The following LTBP1 variants were observed in gnomAD, a reference collection of about 807,000 sequenced individuals.
The protein encoded by LTBP1 is latent-transforming growth factor beta-binding protein 1.
LTBP1 carries 129 observed loss-of-function variants against 207.6 expected under a neutral mutation model. The observed-to-expected ratio is 0.62, with a 90% CI of 0.54 to 0.72. LTBP1 has a LOEUF of 0.72. Ranked by LOEUF, LTBP1 falls within the 30% of genes least tolerant of loss-of-function variation. The pLI, the probability that LTBP1 is intolerant of heterozygous loss-of-function variation, is 0.00. For missense variants in LTBP1, 2,281 were observed against 2,217.2 expected (o/e 1.03, Z -0.58); for synonymous variants, 963 against 833.7 (o/e 1.16, Z -2.67).
chr2:33,227,799 CTTTTTTTTT>C (rs10548945), intron 9 of LTBP1, among the ~76,000 whole-genome samples: 2 of 53,346 alleles, frequency 3.7e-5, no homozygotes, highest in African/African-American at 7.4e-5. Flanking sequence ...ATAAGAAGCT[CTTTTTTTTT>C]TTTTTTTTTT....
intron 10 of LTBP1, among the ~76,000 whole-genome samples, chr2:33,247,904 T>C (rs1339371509): frequency 6.6e-6 from 1 of 152,286 alleles, no homozygotes; most frequent in African/African-American, 2.4e-5. Flanking sequence ...ATATGGGCTT[T>C]CCTTCCAGAC....
intron 3 of LTBP1, among the ~76,000 whole-genome samples, chr2:33,066,017 G>T (rs946105662): frequency 6.6e-6 from 1 of 151,574 alleles, no homozygotes; most frequent in Non-Finnish European, 1.5e-5. Flanking sequence ...CCTATTTTCC[G>T]GCCAGTTTTC....
At chr2:33,332,460 G>GA (rs998291869) in intron 24 of LTBP1, among the ~76,000 whole-genome samples, 3 of 143,326 alleles carry the variant, frequency 2.1e-5, no homozygotes, top group African/African-American at 7.7e-5. Flanking sequence ...GAAATATAAA[G>GA]AAAAAAATCA....
chr2:33,257,544 A>G (rs764225984), intron 12 of LTBP1, 33 bp downstream of exon 12: 6 of 1,547,342 alleles, frequency 3.9e-6, no homozygotes, highest in East Asian at 2.3e-5. Context: ...GACTCTAGAC[A>G]TCTATCTGTG....
intron 24 of LTBP1, among the ~76,000 whole-genome samples, chr2:33,320,176 T>A (rs931577092): frequency 6.6e-6 from 1 of 151,974 alleles, no homozygotes; most frequent in Admixed American, 6.6e-5. Context: ...CGAGGCCAGC[T>A]TGGCCAACAT....
intron 18 of LTBP1, among the ~76,000 whole-genome samples, chr2:33,277,102 C>T (rs770515294): frequency 1.3e-5 from 2 of 152,186 alleles, no homozygotes; most frequent in Non-Finnish European, 2.9e-5. Flanking sequence ...CAGCCCTCAG[C>T]TGTCCCCTGG....
chr2:33,118,359 G>A (rs900152562), intron 4 of LTBP1, among the ~76,000 whole-genome samples: 13 of 152,150 alleles, frequency 8.5e-5, no homozygotes, highest in African/African-American at 3.1e-4. Flanking sequence ...GGAATATTAG[G>A]TGTGAAAACA....
intron 3 of LTBP1, among the ~76,000 whole-genome samples, chr2:33,093,813 TATC>T (rs549103792): frequency 1.7e-4 from 26 of 151,790 alleles, no homozygotes; most frequent in African/African-American, 2.7e-4. Context: ...TGATGATGAT[TATC>T]ATCATCATCA....
rs77826744 is a variant in LTBP1, at chr2:33,312,404, T to G, written c.3605-2740T>G. ...AACTAATGATGATATACAGACAGTATGGAAATTCCATGTTAATAGTCTCTT... is the reference window on the plus strand; with the variant it reads ...AACTAATGATGATATACAGACAGTAGGGAAATTCCATGTTAATAGTCTCTT... On this transcript the variant is annotated intron_variant, in intron 23 of 33. Transcript: ENST00000404816. Among the ~76,000 whole-genome samples, 7 of 152,336 alleles carry G rather than the reference T, an allele frequency of 4.6e-5. No individual in the cohort carries two copies. In the East Asian group the frequency reaches 1.2e-3, roughly 25 times the overall value.
At chr2:33,076,006 A>G (rs2078063100) in intron 3 of LTBP1, among the ~76,000 whole-genome samples, 2 of 152,122 alleles carry the variant, frequency 1.3e-5, no homozygotes, top group South Asian at 4.1e-4. Flanking sequence ...AATAAATTAA[A>G]CCTCTTTGAG....
chr2:33,263,257 C>G, intron 14 of LTBP1, 37 bp from the exon 15 acceptor site: 1 of 1,287,798 alleles, frequency 7.8e-7, no homozygotes. Context: ...ACATAACGGG[C>G]TTTAATTTTC....
At chr2:33,259,692 C>T in intron 13 of LTBP1, 82 bp downstream of exon 13, 1 of 1,318,338 alleles carries the variant, frequency 7.6e-7, no homozygotes. Flanking sequence ...ATTTTTTAGA[C>T]TTAAATATAG....
intron 26 of LTBP1, among the ~76,000 whole-genome samples, chr2:33,356,176 G>A (rs1372905446): frequency 6.6e-6 from 1 of 152,108 alleles, no homozygotes; most frequent in Non-Finnish European, 1.5e-5. Flanking sequence ...AGGGGTTTAT[G>A]TAACAGGGAA....
chr2:33,060,960 C>T (rs754681116), intron 3 of LTBP1, among the ~76,000 whole-genome samples: 4 of 151,820 alleles, frequency 2.6e-5, no homozygotes, highest in Admixed American at 6.6e-5. Context: ...TAATTGTAAC[C>T]ATGTATTTGC....
chr2:33,361,852 A>G (rs1019186716), intron 28 of LTBP1, among the ~76,000 whole-genome samples: 3 of 152,176 alleles, frequency 2.0e-5, no homozygotes, highest in Admixed American at 6.5e-5. Flanking sequence ...TAAATATTTT[A>G]TTCTAGATGC....
intron 7 of LTBP1, among the ~76,000 whole-genome samples, chr2:33,192,014 T>C (rs937022963): frequency 2.6e-5 from 4 of 152,040 alleles, no homozygotes; most frequent in African/African-American, 9.7e-5. Context: ...TCAGAACTGT[T>C]TGGAGGGTGG....
chr2:33,077,981 T>G (rs1426901883), intron 3 of LTBP1, among the ~76,000 whole-genome samples: 1 of 152,130 alleles, frequency 6.6e-6, no homozygotes, highest in Non-Finnish European at 1.5e-5. Flanking sequence ...AACTCACCCT[T>G]GTAGATTTTG....
At chr2:33,173,976 C>G (rs2085745712) in intron 5 of LTBP1, among the ~76,000 whole-genome samples, 1 of 134,514 alleles carries the variant, frequency 7.4e-6, no homozygotes, top group Non-Finnish European at 1.7e-5. Flanking sequence ...TAAAAACTCT[C>G]AATAAATTAG....
chr2:33,291,348 G>A (rs964679751), intron 19 of LTBP1: 1 of 152,148 alleles, frequency 6.6e-6, no homozygotes, highest in Non-Finnish European at 1.5e-5. Context: ...CACTTTCCCT[G>A]GTGCATGAAT....
Sources: allele counts gnomAD v4.1 joint callset (sites outside exome capture counted in the v4.1 genomes callset), GRCh38; gene constraint gnomAD v4.1.1; transcripts MANE v1.5; gene names NCBI Gene and HGNC (gene_info 2026-07-23, HGNC 2026-07-21).